The following CREB5 variants were observed in gnomAD, a reference collection of about 807,000 sequenced individuals.
CREB5 encodes cyclic AMP-responsive element-binding protein 5.
In CREB5, 19 loss-of-function variants were observed where a neutral mutation model predicts 57.1. That is an observed-to-expected ratio of 0.33 (90% CI 0.23 to 0.49). CREB5 has a LOEUF of 0.49. CREB5 is among the 20% of genes least tolerant of loss of function. CREB5 has a pLI of 0.99. For missense variants in CREB5, 579 were observed against 671.6 expected, an observed-to-expected ratio of 0.86 and a Z score of 1.52; for synonymous variants, 238 against 238.3, an observed-to-expected ratio of 1.00 and a Z score of 0.01.
chr7:28,360,688 A>G (rs749708639), intron 1 of CREB5, among the ~76,000 whole-genome samples: 3 of 152,232 alleles, frequency 2.0e-5, no homozygotes, highest in Non-Finnish European at 4.4e-5. Flanking sequence ...CATTGTATAC[A>G]TATAATATCA....
intron 1 of CREB5, among the ~76,000 whole-genome samples, chr7:28,346,608 C>T (rs1345853571): frequency 6.6e-6 from 1 of 152,198 alleles, no homozygotes; most frequent in African/African-American, 2.4e-5. Context: ...TCAGAATTGC[C>T]CTGAGTTAGG....
At chr7:28,538,582 T>C (rs216729) in intron 4 of CREB5, among the ~76,000 whole-genome samples, 138,517 of 152,184 alleles carry the variant, frequency 0.91, 63,206 homozygotes, top group African/African-American at 0.97. Context: ...TTATTGTATA[T>C]TTGTGTCTTA....
chr7:28,499,412 A>G (rs965544451), intron 3 of CREB5, among the ~76,000 whole-genome samples: 6 of 152,062 alleles, frequency 3.9e-5, no homozygotes, highest in Non-Finnish European at 8.8e-5. Context: ...GTGTCCTCTC[A>G]TGTGCTCACA....
At chr7:28,579,908 C>T (rs1033474615) in intron 5 of CREB5, among the ~76,000 whole-genome samples, 1 of 152,162 alleles carries the variant, frequency 6.6e-6, no homozygotes, top group Non-Finnish European at 1.5e-5. Flanking sequence ...TCAGGGATCT[C>T]TGCTTAGCAA....
chr7:28,648,405 G>A (rs1344438627), intron 5 of CREB5, among the ~76,000 whole-genome samples: 1 of 152,068 alleles, frequency 6.6e-6, no homozygotes, highest in Non-Finnish European at 1.5e-5. Flanking sequence ...TATTGCCCTC[G>A]ACGCTGAACC....
intron 5 of CREB5, among the ~76,000 whole-genome samples, chr7:28,700,181 G>A (rs1378992043): frequency 6.6e-6 from 1 of 152,098 alleles, no homozygotes; most frequent in Non-Finnish European, 1.5e-5. Flanking sequence ...CAGACAGTAA[G>A]CTCTGCCTGG....
At chr7:28,619,762 TCAAGAGGGCATTTC>T (rs1797726784) in intron 5 of CREB5, among the ~76,000 whole-genome samples, 1 of 152,142 alleles carries the variant, frequency 6.6e-6, no homozygotes, top group Non-Finnish European at 1.5e-5. Context: ...ACCCTGAGAA[TCAAGAGGGCATTTC>T]CAAGTCTTGT....
At chr7:28,609,471 G>A (rs1720872938) in intron 5 of CREB5, among the ~76,000 whole-genome samples, 1 of 152,124 alleles carries the variant, frequency 6.6e-6, no homozygotes, top group African/African-American at 2.4e-5. Flanking sequence ...AAAATATTTT[G>A]CTATCCCTTA....
intron 5 of CREB5, among the ~76,000 whole-genome samples, chr7:28,618,735 C>A (rs1027030663): frequency 6.6e-6 from 1 of 152,216 alleles, no homozygotes; most frequent in Non-Finnish European, 1.5e-5. Flanking sequence ...CCACCCCTGG[C>A]TAGACAACAC....
chr7:28,534,365 C>T (rs1488154389), intron 4 of CREB5, among the ~76,000 whole-genome samples: 1 of 152,220 alleles, frequency 6.6e-6, no homozygotes, highest in African/African-American at 2.4e-5. Context: ...GCGTCCTCCC[C>T]CGCGAGCCCT....
At position 28,706,146 on chromosome 7, in the gene CREB5, G is replaced by A. The variant is rs554769700; in HGVS notation, c.465-12607G>A. ...GAGGCGGGTAGATCACCTGAGGTCCGGAGTTCGAGACCAGCTCGGCCAACA... is the reference window on the plus strand; with the variant it reads ...GAGGCGGGTAGATCACCTGAGGTCCAGAGTTCGAGACCAGCTCGGCCAACA... On this transcript the variant is annotated intron_variant, in intron 5 of 10. Transcript: ENST00000357727. Among the ~76,000 whole-genome samples, 408 of 152,310 alleles carry A rather than the reference G, an allele frequency of 2.7e-3. 1 individual carries two copies. The highest frequency in any genetic ancestry group is 4.2e-3 in the Non-Finnish European group (289 of 68,030).
chr7:28,691,633 A>G (rs182066969), intron 5 of CREB5, among the ~76,000 whole-genome samples: 1 of 151,996 alleles, frequency 6.6e-6, no homozygotes, highest in African/African-American at 2.4e-5. Flanking sequence ...ATTAGACAAC[A>G]TCTCTGGGGT....
At chr7:28,349,133 C>T (rs955854680) in intron 1 of CREB5, among the ~76,000 whole-genome samples, 4 of 152,112 alleles carry the variant, frequency 2.6e-5, no homozygotes, top group South Asian at 2.1e-4. Flanking sequence ...GACAGTCCAC[C>T]GCACATCAGT....
At chr7:28,752,938 A>G (rs1805069852) in intron 7 of CREB5, among the ~76,000 whole-genome samples, 1 of 151,184 alleles carries the variant, frequency 6.6e-6, no homozygotes, top group Non-Finnish European at 1.5e-5. Flanking sequence ...GGTCAGGAAA[A>G]TACACATGTT....
intron 4 of CREB5, among the ~76,000 whole-genome samples, chr7:28,566,710 G>C (rs1795495193): frequency 6.6e-6 from 1 of 152,172 alleles, no homozygotes; most frequent in Non-Finnish European, 1.5e-5. Flanking sequence ...TAATGCTTTT[G>C]CTGGGTTGTT....
chr7:28,381,561 C>A (rs988403083), intron 1 of CREB5, among the ~76,000 whole-genome samples: 1 of 152,194 alleles, frequency 6.6e-6, no homozygotes, highest in Non-Finnish European at 1.5e-5. Context: ...CAAGTTATTT[C>A]TTTGCCTAAT....
chr7:28,368,675 A>G (rs10254657), intron 1 of CREB5, among the ~76,000 whole-genome samples: 91,862 of 152,100 alleles, frequency 0.6, 28,097 homozygotes, highest in African/African-American at 0.72. Context: ...CTCACATAAC[A>G]TCCCCTTTTA....
chr7:28,746,821 G>A (rs986251947), intron 7 of CREB5, among the ~76,000 whole-genome samples: 21 of 152,124 alleles, frequency 1.4e-4, no homozygotes, highest in African/African-American at 2.7e-4. Context: ...GAGGTAATTC[G>A]TATTTTAATG....
At position 28,560,884 on chromosome 7, in the gene CREB5, G is replaced by GTGTGCGCC. The variant is rs1562797471; in HGVS notation, c.292-9479_292-9478insTGCGCCTG. 1.1e-4 allele frequency among the ~76,000 whole-genome samples: 4 copies of GTGTGCGCC among 34,864 alleles called. 1 individual carries two copies. The highest frequency in any genetic ancestry group is 3.1e-3 in the South Asian group (2 of 654). 22.9% of individuals were successfully genotyped at this position (34,864 alleles called of 152,430 possible). On this transcript the variant is annotated intron_variant, in intron 4 of 10. Coordinates refer to ENST00000357727, the MANE Select transcript of CREB5 (RefSeq NM_182898.4). ...CGTGTGCCTGCGTGCGCGTGCGTGCGTGCGTGTGTGTGCGTGCGCGCGTGC... is the reference window on the plus strand; with the variant it reads ...CGTGTGCCTGCGTGCGCGTGCGTGCGTGTGCGCCTGCGTGTGTGTGCGTGCGCGCGTGC...
Sources: gnomAD v4.1 joint callset for allele counts (sites outside exome capture counted in the v4.1 genomes callset) on GRCh38, gnomAD v4.1.1 for gene constraint, MANE v1.5 for transcripts, NCBI Gene and HGNC (gene_info 2026-07-23, HGNC 2026-07-21) for gene names.